CNTN3: variants seen among roughly 807,000 people sequenced by gnomAD.
CNTN3 encodes contactin-3.
In CNTN3, 60 loss-of-function variants were observed where a neutral mutation model predicts 119.1. The ratio of observed to expected loss-of-function variants is 0.50; its 90% confidence interval spans 0.41 to 0.62. CNTN3 has a LOEUF of 0.62. Among genes scored for constraint, CNTN3 ranks in the 20% least tolerant of loss-of-function variants. CNTN3 has a pLI of 0.00. For synonymous variants in CNTN3, 450 were observed against 438.7 expected (o/e 1.03, Z -0.32); for missense variants, 1,101 against 1,242.4 (o/e 0.89, Z 1.71).
chr3:74,584,599 G>A (rs1361995705), intron 1 of CNTN3, among the ~76,000 whole-genome samples: 3 of 152,054 alleles, frequency 2.0e-5, no homozygotes, highest in African/African-American at 7.2e-5. Context: ...GCAGATCCGT[G>A]AGCCAAATAA....
chr3:74,496,741 T>C (rs969304768), intron 3 of CNTN3, among the ~76,000 whole-genome samples: 1 of 152,092 alleles, frequency 6.6e-6, no homozygotes, highest in African/African-American at 2.4e-5. Context: ...TACAATGAGA[T>C]TGAATACTAA....
chr3:74,513,821 T>C (rs924528144), intron 2 of CNTN3, among the ~76,000 whole-genome samples: 5 of 152,016 alleles, frequency 3.3e-5, no homozygotes, highest in African/African-American at 1.2e-4. Context: ...TCACCCCTAG[T>C]CCTATAAATA....
intron 2 of CNTN3, among the ~76,000 whole-genome samples, chr3:74,516,339 C>G (rs1395365943): frequency 6.7e-6 from 1 of 150,198 alleles, no homozygotes; most frequent in African/African-American, 2.5e-5. Flanking sequence ...AGCAACCCCC[C>G]TTCTTCTTCT....
chr3:74,436,360 G>A (rs562801345), intron 4 of CNTN3, among the ~76,000 whole-genome samples: 5 of 152,116 alleles, frequency 3.3e-5, no homozygotes, highest in East Asian at 1.9e-4. Flanking sequence ...TCCCTTTGTC[G>A]CCTTCCACAG....
chr3:74,264,719 T>A (rs1701635454), intron 22 of CNTN3, among the ~76,000 whole-genome samples: 1 of 152,090 alleles, frequency 6.6e-6, no homozygotes, highest in Non-Finnish European at 1.5e-5. Flanking sequence ...ACTGTGAGAA[T>A]TAAGTTTCTG....
intron 4 of CNTN3, among the ~76,000 whole-genome samples, chr3:74,438,721 G>C (rs578008588): frequency 6.6e-6 from 1 of 152,194 alleles, no homozygotes; most frequent in East Asian, 1.9e-4. Flanking sequence ...TTGATATTTA[G>C]CATCTGTGTT....
intron 5 of CNTN3, among the ~76,000 whole-genome samples, chr3:74,422,288 T>C (rs887067525): frequency 1.3e-5 from 2 of 152,192 alleles, no homozygotes; most frequent in Non-Finnish European, 2.9e-5. Context: ...GGAAGTATGC[T>C]TTTGGTGAAT....
At chr3:74,423,198 G>C (rs970997362) in intron 5 of CNTN3, among the ~76,000 whole-genome samples, 1 of 152,170 alleles carries the variant, frequency 6.6e-6, no homozygotes, top group Non-Finnish European at 1.5e-5. Context: ...CCTAAATAGA[G>C]TTTGGAATAA....
chr3:74,600,614 C>T (rs1385897081), intron 1 of CNTN3, among the ~76,000 whole-genome samples: 1 of 152,060 alleles, frequency 6.6e-6, no homozygotes, highest in African/African-American at 2.4e-5. Context: ...TCCAACCCCC[C>T]AGTGTGCAGT....
chr3:74,307,791 G>A lies in CNTN3; in HGVS notation c.1669-4984C>T, dbSNP rs141010235. Among the ~76,000 whole-genome samples, 455 of 152,230 alleles carry A rather than the reference G, an allele frequency of 3.0e-3. 10 individuals carry two copies. Among genetic ancestry groups the A allele is most frequent in the Admixed American group, 0.027 (416 of 15,290 alleles). ...CTTGCAAATATTGTACAAACTTTCAGTATAATAAATTATAAGCAAATAATG... is the reference window on the plus strand; with the variant it reads ...CTTGCAAATATTGTACAAACTTTCAATATAATAAATTATAAGCAAATAATG... On this transcript the variant is annotated intron_variant, in intron 13 of 22. Transcript: ENST00000263665.
chr3:74,413,891 G>A (rs966951412), intron 5 of CNTN3, among the ~76,000 whole-genome samples: 1 of 152,142 alleles, frequency 6.6e-6, no homozygotes, highest in African/African-American at 2.4e-5. Context: ...GACCAATCTG[G>A]GTTTTCCTTC....
At chr3:74,543,877 A>C (rs536476021) in intron 1 of CNTN3, among the ~76,000 whole-genome samples, 8 of 152,210 alleles carry the variant, frequency 5.3e-5, no homozygotes, top group Non-Finnish European at 1.2e-4. Context: ...TTTTGTGACC[A>C]CCTAATCAAG....
At chr3:74,310,617 C>T (rs887506432) in intron 13 of CNTN3, among the ~76,000 whole-genome samples, 5 of 152,140 alleles carry the variant, frequency 3.3e-5, no homozygotes, top group African/African-American at 1.2e-4. Flanking sequence ...AGTAATTGTG[C>T]TAGTGGAACA....
At chr3:74,383,119 A>T (rs1704662896) in intron 5 of CNTN3, among the ~76,000 whole-genome samples, 1 of 152,210 alleles carries the variant, frequency 6.6e-6, no homozygotes, top group Admixed American at 6.5e-5. Flanking sequence ...GGAAGTGAAA[A>T]TTAGCAAAAA....
chr3:74,401,807 T>A (rs958290914), intron 5 of CNTN3, among the ~76,000 whole-genome samples: 2 of 152,166 alleles, frequency 1.3e-5, no homozygotes, highest in Non-Finnish European at 2.9e-5. Flanking sequence ...CTCTCACCTC[T>A]GCTACTCAGT....
chr3:74,294,574 C>T (rs1702297871), intron 19 of CNTN3, among the ~76,000 whole-genome samples: 2 of 152,220 alleles, frequency 1.3e-5, no homozygotes, highest in South Asian at 4.1e-4. Flanking sequence ...CTTGACAACA[C>T]AAACATTTCC....
chr3:74,270,696 T>A (rs548700105), intron 20 of CNTN3, among the ~76,000 whole-genome samples: 6 of 152,320 alleles, frequency 3.9e-5, no homozygotes, highest in African/African-American at 1.4e-4. Flanking sequence ...ATTTTACTTT[T>A]TGTATTTGAA....
chr3:74,531,793 C>A (rs1303168051), intron 1 of CNTN3, among the ~76,000 whole-genome samples: 4 of 151,880 alleles, frequency 2.6e-5, no homozygotes, highest in Non-Finnish European at 5.9e-5. Flanking sequence ...AGAGTGACAA[C>A]ATTCAAACAG....
At chr3:74,362,179 G>A (rs1463100676) in intron 10 of CNTN3, 139 bp from the exon 11 acceptor site, 5 of 779,170 alleles carry the variant, frequency 6.4e-6, no homozygotes, top group Middle Eastern at 3.9e-4. Context: ...CTTATTGTGT[G>A]CCACACACAG....
Sources: allele counts gnomAD v4.1 joint callset (sites outside exome capture counted in the v4.1 genomes callset), GRCh38; gene constraint gnomAD v4.1.1; transcripts MANE v1.5; gene names NCBI Gene and HGNC (gene_info 2026-07-23, HGNC 2026-07-21).